The following ZNF800 variants were observed in gnomAD, a reference collection of about 807,000 sequenced individuals.
ZNF800 encodes the protein zinc finger protein 800.
A neutral mutation model predicts 59.5 loss-of-function variants in ZNF800; 13 were observed. The observed-to-expected ratio is 0.22, with a 90% CI of 0.14 to 0.35. The LOEUF is 0.35. ZNF800 is among the 10% of genes least tolerant of loss of function. The pLI is 1.00. For synonymous variants in ZNF800, 266 were observed against 265.7 expected, an observed-to-expected ratio of 1.00 and a Z score of -0.01; for missense variants, 621 against 783.7, an observed-to-expected ratio of 0.79 and a Z score of 2.48.
rs543588990 is a variant in ZNF800 at position 127,375,520 on chromosome 7, T to C, written c.302-486A>G. ...AATAGTCTAATCTAATCTAGTCTAT[T>C]TGAGCATCTTATGAAAATGAAAGAT... On this transcript the variant is annotated intron_variant, in intron 4 of 5. Coordinates refer to ENST00000265827, the MANE Select transcript of ZNF800 (RefSeq NM_176814.5). 3.9e-5 allele frequency among the ~76,000 whole-genome samples: 6 copies of C among 152,200 alleles called. No homozygotes were observed. In the East Asian group the frequency reaches 9.6e-4, roughly 24 times the overall value.
intron 1 of ZNF800, chr7:127,362,655 A>G (rs1800417556): frequency 6.6e-6 from 1 of 152,172 alleles, no homozygotes; most frequent in South Asian, 2.1e-4. Context: ...CAGTGGGAAG[A>G]AAGACATTAA....
chr7:127,374,493 A>T lies in ZNF800; in HGVS notation c.843T>A (p.Val281=). ...NQSSKGRSKN[V]LVPLSRSCPV... is the part of the protein sequence containing the mutation. ...GACAACTCCTACTTAATGGAACTAG[A>T]ACATTCTTACTGCGTCCTTTAGAGG... Residue 281 remains valine (V), a synonymous_variant, in exon 5 of 6, where the codon GTT becomes GTA. Coordinates refer to ENST00000265827, the MANE Select transcript of ZNF800 (RefSeq NM_176814.5). The T allele has an allele frequency of 6.2e-7, 1 of 1,614,130 alleles. No homozygotes were observed. The highest frequency in any genetic ancestry group is 8.5e-7 in the Non-Finnish European group (1 of 1,179,988).
In ZNF800 at chr7:127,374,866, G is replaced by C. The variant is rs1299524231; in HGVS notation, c.470C>G (p.Thr157Arg). Residue 157 changes from threonine (T) to arginine (R), a missense_variant, in exon 5 of 6, where the codon ACA becomes AGA. Transcript: ENST00000265827. ...TTGTTCAGGAGTACTGCTTGACTCT[G>C]TGACTTCAATAGGATTATCAGTCCT... is the stretch of plus-strand genomic sequence containing the variant. ...ISRTDNPIEV[T>R]ESSSTPEQTE... is the part of the protein sequence containing the mutation. The C allele has an allele frequency of 3.1e-6, 5 of 1,613,840 alleles. No homozygotes were observed. The East Asian group carries it at 1.1e-4, about 36-fold the overall frequency.
intron 1 of ZNF800, among the ~76,000 whole-genome samples, chr7:127,356,499 C>T (rs1198844491): frequency 6.6e-6 from 1 of 151,858 alleles, no homozygotes; most frequent in East Asian, 1.9e-4. Context: ...CACCCAAATA[C>T]ACATATCTTC....
chr7:127,392,260 A>G lies in ZNF800; in HGVS notation c.-259T>C, dbSNP rs1302624961. ...TGACGCGGAAGCGCCACAGCTCACC[A>G]CGTCCCTCCGCGGGCCGAGACGACT... On this transcript the variant is annotated 5_prime_UTR_variant, in exon 1 of 6. Transcript: ENST00000265827. 1 of 392,572 alleles carries G rather than the reference A, an allele frequency of 2.5e-6. No individual in the cohort carries two copies. 24.3% of individuals were successfully genotyped at this position (392,572 alleles called of 1,614,324 possible). A position where few individuals can be genotyped will look rare whatever the true frequency, so the allele number is the denominator to read the frequency against.
At position 127,370,979 on chromosome 7, in the gene ZNF800, A is replaced by C. The variant is rs1272967551; in HGVS notation, c.*835T>G. 2.6e-5 allele frequency: 4 copies of C among 152,604 alleles called. No homozygotes were observed. The highest frequency in any genetic ancestry group is 9.6e-5 in the African/African-American group (4 of 41,464). The allele number at this position is 152,604 out of a possible 1,614,324, so 9.5% of individuals were successfully genotyped here. A position where few individuals can be genotyped will look rare whatever the true frequency, so the allele number is the denominator to read the frequency against. ...AAGTGGTTGTGCATGGATTGTCTGC[A>C]TCCATAAAATATCAGTAAGCTATTT... On this transcript the variant is annotated 3_prime_UTR_variant, in exon 6 of 6. Transcript: ENST00000265827.
chr7:127,380,722 T>C lies in ZNF800; in HGVS notation c.158-3393A>G, dbSNP rs28952018. ...GCAACATAAAGTTCCTCCACAGCTCTTGATGCTGAGAAACAGAGAGCCATG... is the reference window on the plus strand; with the variant it reads ...GCAACATAAAGTTCCTCCACAGCTCCTGATGCTGAGAAACAGAGAGCCATG... On this transcript the variant is annotated intron_variant, in intron 3 of 5. Transcript: ENST00000265827. Among the ~76,000 whole-genome samples, 14 of 152,314 alleles carry C rather than the reference T, an allele frequency of 9.2e-5. No homozygotes were observed. In the East Asian group the frequency reaches 2.5e-3, roughly 27 times the overall value.
chr7:127,375,282 G>A (rs1169505977), intron 4 of ZNF800, among the ~76,000 whole-genome samples: 1 of 151,968 alleles, frequency 6.6e-6, no homozygotes, highest in Non-Finnish European at 1.5e-5. Flanking sequence ...GGCTACTTTT[G>A]CTTCAAATGC....
Position 127,373,359 on chromosome 7 carries a change from T to C in ZNF800, c.1977A>G (p.Arg659=). The C allele has an allele frequency of 6.2e-7, 1 of 1,605,122 alleles. No homozygotes were observed. Among genetic ancestry groups the C allele is most frequent in the Non-Finnish European group, 8.5e-7 (1 of 1,175,344 alleles). ...TTCCTCACCAGACAAGAGCCTTAGA[T>C]CTTGTACTTCGGCCTTTGGTTTTGT... is the stretch of plus-strand genomic sequence containing the variant. The part of the protein sequence containing the change: ...EGNKTKGRST[R]SKALV Residue 659 remains arginine, a synonymous_variant, in exon 5 of 6, where the codon AGA becomes AGG. Coordinates refer to ENST00000265827, the MANE Select transcript of ZNF800 (RefSeq NM_176814.5).
chr7:127,374,004 C>G lies in ZNF800; in HGVS notation c.1332G>C (p.Pro444=). Residue 444 remains proline (P), a synonymous_variant, in exon 5 of 6, where the codon CCG becomes CCC. Transcript: ENST00000265827. ...GTTTAACTTTATTTTTCTGTGCTGC[C>G]GGTGTGTTCTTTTTTTCATTTGAAT... ...TNHSNEKKNT[P]AAQKNKVKQD... 1 of 1,613,846 alleles carries G rather than the reference C, an allele frequency of 6.2e-7. No individual in the cohort carries two copies. Among genetic ancestry groups the G allele is most frequent in the Admixed American group, 1.7e-5 (1 of 59,946 alleles).
chr7:127,360,762 A>T (rs1285311831), intron 1 of ZNF800: 3 of 152,188 alleles, frequency 2.0e-5, no homozygotes, highest in African/African-American at 7.2e-5. Context: ...AATATGAAAA[A>T]ATACTTTATC....
chr7:127,366,271 A>G (rs545421165), downstream of ZNF800, among the ~76,000 whole-genome samples: 1 of 152,284 alleles, frequency 6.6e-6, no homozygotes, highest in African/African-American at 2.4e-5. Flanking sequence ...CAGGATATAA[A>G]GCAGCCATTG....
Position 127,377,073 on chromosome 7 carries a change from G to T in ZNF800, c.301+113C>A. ...TCCATCTAAAAATTATCTGTAACTA[G>T]ACATCATTATCAAATTATCAGTAAC... On this transcript the variant is annotated intron_variant, in intron 4 of 5. Transcript: ENST00000265827. The surrounding 1 kb of genome is among the most constrained non-coding windows in gnomAD (Gnocchi z 4.7). 2 of 950,624 alleles carry T rather than the reference G, an allele frequency of 2.1e-6. No homozygotes were observed. Among genetic ancestry groups the T allele is most frequent in the South Asian group, 2.1e-5 (1 of 47,092 alleles). The allele number at this position is 950,624 out of a possible 1,614,324, so 58.9% of individuals were successfully genotyped here.
chr7:127,383,857 A>G (rs1031427365), intron 3 of ZNF800, among the ~76,000 whole-genome samples: 6 of 152,220 alleles, frequency 3.9e-5, no homozygotes, highest in Non-Finnish European at 7.4e-5. Context: ...TTAAAATAAT[A>G]GTATTTTCAG....
chr7:127,366,647 G>A (rs891788355), downstream of ZNF800, among the ~76,000 whole-genome samples: 1 of 152,132 alleles, frequency 6.6e-6, no homozygotes, highest in African/African-American at 2.4e-5. Flanking sequence ...CCTTTCAAAA[G>A]AAAGAAAAAC....
intron 1 of ZNF800, among the ~76,000 whole-genome samples, chr7:127,358,298 C>T (rs1800314246): frequency 6.6e-6 from 1 of 151,812 alleles, no homozygotes; most frequent in African/African-American, 2.4e-5. Flanking sequence ...GTCTCCACTG[C>T]CTGGAAAATT....
chr7:127,372,878 C>T (rs1338469600), intron 5 of ZNF800: 11 of 985,088 alleles, frequency 1.1e-5, no homozygotes, highest in Non-Finnish European at 1.1e-5. Flanking sequence ...ACAATAATTA[C>T]AGTGCCTCAA....
intron 1 of ZNF800, among the ~76,000 whole-genome samples, chr7:127,349,671 A>T (rs1278895117): frequency 2.0e-5 from 3 of 152,378 alleles, no homozygotes; most frequent in African/African-American, 7.2e-5. Flanking sequence ...TATCAGAAAT[A>T]AATAAAATGT....
At chr7:127,361,110 T>C (rs1800384701) in intron 1 of ZNF800, 1 of 152,176 alleles carries the variant, frequency 6.6e-6, no homozygotes, top group Non-Finnish European at 1.5e-5. Context: ...AACATGGTAC[T>C]AACTGCCACA....
Sources: gnomAD v4.1 joint callset for allele counts (sites outside exome capture counted in the v4.1 genomes callset) on GRCh38, gnomAD v4.1.1 for gene constraint, Gnocchi (gnomAD v3.1) non-coding constraint, MANE v1.5 for transcripts, NCBI Gene and HGNC (gene_info 2026-07-23, HGNC 2026-07-21) for gene names.